Variants in KCNQ1 observed in about 807,000 individuals in gnomAD.
KCNQ1 encodes the protein potassium voltage-gated channel subfamily Q member 1, also known as potassium voltage-gated channel subfamily KQT member 1.
A neutral mutation model predicts 72.4 loss-of-function variants in KCNQ1; 49 were observed. The ratio of observed to expected loss-of-function variants is 0.68; its 90% CI spans 0.54 to 0.86. KCNQ1 has a LOEUF of 0.86. KCNQ1 is among the 40% of genes least tolerant of loss of function. KCNQ1 has a pLI of 0.00. For synonymous variants in KCNQ1, 450 were observed against 412.6 expected, an observed-to-expected ratio of 1.09 and a Z score of -1.10; for missense variants, 790 against 945.1, an observed-to-expected ratio of 0.84 and a Z score of 2.15.
In KCNQ1 at chr11:2,724,199, C is replaced by T. The variant is rs1845720173; in HGVS notation, c.1515-44645C>T. 6.6e-6 allele frequency among the ~76,000 whole-genome samples: 1 copy of T among 152,182 alleles called. No individual in the cohort carries two copies. Among genetic ancestry groups the T allele is most frequent in the African/African-American group, 2.4e-5 (1 of 41,452 alleles). ...GACAGAAAGAAAAACACGCACAGAT[C>T]CAGGCTCAGATGATATACAGTCCTC... On this transcript the variant is annotated intron_variant, in intron 11 of 15. Transcript: ENST00000155840. This position sits in a 1 kb window ranked among gnomAD's most constrained non-coding sequence, Gnocchi z 6.8.
At chr11:2,833,968 G>A (rs1047247541) in intron 15 of KCNQ1, among the ~76,000 whole-genome samples, 7 of 152,240 alleles carry the variant, frequency 4.6e-5, no homozygotes, top group Admixed American at 4.6e-4. Context: ...TTCCCAGGCT[G>A]TCAGCAGGGG....
rs2134097230 is a variant in KCNQ1, at chr11:2,847,883, C to T, written c.1911C>T (p.His637=). Residue 637 remains histidine (H), a synonymous_variant, in exon 16 of 16, where the codon CAC becomes CAT. Coordinates refer to ENST00000155840, the MANE Select transcript of KCNQ1 (RefSeq NM_000218.3). ...GCCCCCCCAGAGAGGGCGGGGCCCA[C>T]ATCACCCAGCCCTGCGGCAGTGGCG... ...SGGPPREGGA[H]ITQPCGSGGS... 2 of 1,582,062 alleles carry T rather than the reference C, an allele frequency of 1.3e-6. No homozygotes were observed. Among genetic ancestry groups the T allele is most frequent in the Non-Finnish European group, 1.7e-6 (2 of 1,164,330 alleles).
intron 11 of KCNQ1, chr11:2,672,833 G>A: frequency 2.5e-6 from 1 of 398,808 alleles, no homozygotes; most frequent in East Asian, 3.6e-5. Context: ...CCAACTCTGG[G>A]TTCTGCCTGG....
In KCNQ1 at chr11:2,809,501, CTGTT is replaced by C. The variant is rs1015124016; in HGVS notation, c.1794+31469_1794+31472del. Among the ~76,000 whole-genome samples the C allele has an allele frequency of 6.6e-6, 1 of 152,310 alleles. No individual in the cohort carries two copies. Among genetic ancestry groups the C allele is most frequent in the Non-Finnish European group, 1.5e-5 (1 of 68,038 alleles). On this transcript the variant is annotated intron_variant, in intron 15 of 15. Coordinates refer to ENST00000155840, the MANE Select transcript of KCNQ1 (RefSeq NM_000218.3). This position sits in a 1 kb window ranked among gnomAD's most constrained non-coding sequence, Gnocchi z 7.1. ...CACAGCTTGGGGGCTCTGCTTCCCT[CTGTT>C]TGTTCGTCTTGGTGCTGTGTATGAA...
chr11:2,632,770 T>G (rs2133818342), intron 10 of KCNQ1: 1 of 398,480 alleles, frequency 2.5e-6, no homozygotes, highest in East Asian at 3.6e-5. Flanking sequence ...TTATTATGAC[T>G]GAATAATATT....
chr11:2,720,615 G>A lies in KCNQ1; in HGVS notation c.1515-48229G>A, dbSNP rs1258280353. ...TCTCTGAGTGTCCTATGTTGGGGGT[G>A]TCAGCCTGGGTGTCAAGGCTGAAGA... On this transcript the variant is annotated intron_variant, in intron 11 of 15. Coordinates refer to ENST00000155840, the MANE Select transcript of KCNQ1 (RefSeq NM_000218.3). This position sits in a 1 kb window ranked among gnomAD's most constrained non-coding sequence, Gnocchi z 5.1. Among the ~76,000 whole-genome samples, 1 of 152,156 alleles carries A rather than the reference G, an allele frequency of 6.6e-6. No individual in the cohort carries two copies. Among genetic ancestry groups the A allele is most frequent in the African/African-American group, 2.4e-5 (1 of 41,428 alleles).
rs1849681657 is a variant in KCNQ1 at position 2,647,316 on chromosome 11, G to T, written c.1394-14645G>T. On this transcript the variant is annotated intron_variant, in intron 10 of 15. Transcript: ENST00000155840. The surrounding 1 kb of genome is among the most constrained non-coding windows in gnomAD (Gnocchi z 4.0). The stretch of plus-strand genomic sequence containing the variant: ...ATGTTGAACCATCCTTGAATCCCTG[G>T]GATAAATCCCACTTGATTATGGTGT... The T allele has an allele frequency of 5.0e-6, 2 of 398,198 alleles. No individual in the cohort carries two copies. The highest frequency in any genetic ancestry group is 1.3e-4 in the South Asian group (1 of 7,826). 24.7% of individuals were successfully genotyped at this position (398,198 alleles called of 1,614,324 possible).
intron 10 of KCNQ1, chr11:2,637,887 T>C (rs1413379570): frequency 6.6e-6 from 1 of 152,212 alleles, no homozygotes; most frequent in Non-Finnish European, 1.5e-5. Context: ...GCATATATAT[T>C]TAAGATAGTT....
At chr11:2,503,744 T>C (rs918758133) in intron 1 of KCNQ1, among the ~76,000 whole-genome samples, 1 of 152,178 alleles carries the variant, frequency 6.6e-6, no homozygotes, top group Non-Finnish European at 1.5e-5. Flanking sequence ...TCAACGTCAC[T>C]GATCATCAGA....
In KCNQ1 at chr11:2,495,948, C is replaced by T. The variant is rs555214537; in HGVS notation, c.387-31980C>T. On this transcript the variant is annotated intron_variant, in intron 1 of 15. Coordinates refer to ENST00000155840, the MANE Select transcript of KCNQ1 (RefSeq NM_000218.3). The surrounding 1 kb of genome is among the most constrained non-coding windows in gnomAD (Gnocchi z 4.6). ...TATTGACAGTGGAGTGTTAAAGTCT[C>T]GCACTGTTATTGAGTAGGAATATAA... Among the ~76,000 whole-genome samples, 43 of 152,270 alleles carry T rather than the reference C, an allele frequency of 2.8e-4. No individual in the cohort carries two copies. Among genetic ancestry groups the T allele is most frequent in the Admixed American group, 1.0e-3 (16 of 15,284 alleles).
chr11:2,608,609 G>A lies in KCNQ1; in HGVS notation c.1393+19755G>A, dbSNP rs951597744. ...TTGCCCCTTAGCCTATGACAGGTGT[G>A]CACCACAACACCAGCTGTTATTCAA... On this transcript the variant is annotated intron_variant, in intron 10 of 15. Transcript: ENST00000155840. The surrounding 1 kb of genome is among the most constrained non-coding windows in gnomAD (Gnocchi z 4.6). 5.0e-6 allele frequency: 2 copies of A among 398,396 alleles called. No individual in the cohort carries two copies. The highest frequency in any genetic ancestry group is 7.1e-5 in the East Asian group (2 of 28,076). The allele number at this position is 398,396 out of a possible 1,614,324, so 24.7% of individuals were successfully genotyped here. A position where few individuals can be genotyped will look rare whatever the true frequency, so the allele number is the denominator to read the frequency against.
intron 1 of KCNQ1, among the ~76,000 whole-genome samples, chr11:2,456,384 A>G (rs892700684): frequency 1.3e-5 from 2 of 152,202 alleles, no homozygotes; most frequent in Non-Finnish European, 2.9e-5. Flanking sequence ...AGTCTTCTCA[A>G]TATTGGCCTT....
chr11:2,683,581 G>T lies in KCNQ1; in HGVS notation c.1514+21500G>T. The T allele has an allele frequency of 2.5e-6, 1 of 398,620 alleles. No homozygotes were observed. The highest frequency in any genetic ancestry group is 4.4e-6 in the Non-Finnish European group (1 of 226,072). The allele number at this position is 398,620 out of a possible 1,614,324, so 24.7% of individuals were successfully genotyped here. A position where few individuals can be genotyped will look rare whatever the true frequency, so the allele number is the denominator to read the frequency against. Reference sequence around the variant, plus strand: ...CCTACTGACTGGCATCACAAACACTGCCCTGAAATGCCAACTCATTTCAAA... The same window carrying T: ...CCTACTGACTGGCATCACAAACACTTCCCTGAAATGCCAACTCATTTCAAA... On this transcript the variant is annotated intron_variant, in intron 11 of 15. Transcript: ENST00000155840. The surrounding 1 kb of genome is among the most constrained non-coding windows in gnomAD (Gnocchi z 4.7).
rs1847655397 is a variant in KCNQ1 at position 2,818,094 on chromosome 11, C to A, written c.1795-29673C>A. Among the ~76,000 whole-genome samples, 1 of 152,198 alleles carries A rather than the reference C, an allele frequency of 6.6e-6. No individual in the cohort carries two copies. The highest frequency in any genetic ancestry group is 1.5e-5 in the Non-Finnish European group (1 of 68,018). ...GATTGTCTGAAAAACACATGGCCAG[C>A]CACCCTGCACCCTGAGTTCCACAAC... On this transcript the variant is annotated intron_variant, in intron 15 of 15. Transcript: ENST00000155840. The surrounding 1 kb of genome is among the most constrained non-coding windows in gnomAD (Gnocchi z 7.2).
rs1305127264 is a variant in KCNQ1 at position 2,665,003 on chromosome 11, G to A, written c.1514+2922G>A. On this transcript the variant is annotated intron_variant, in intron 11 of 15. Coordinates refer to ENST00000155840, the MANE Select transcript of KCNQ1 (RefSeq NM_000218.3). Reference sequence around the variant, plus strand: ...GGCTGGGCGAAGCTCCTCTTTCCGGGGCCTGTTAGCCAGAGGTGGGGTGGG... The same window carrying A: ...GGCTGGGCGAAGCTCCTCTTTCCGGAGCCTGTTAGCCAGAGGTGGGGTGGG... 8 of 398,656 alleles carry A rather than the reference G, an allele frequency of 2.0e-5. No homozygotes were observed. In the East Asian group the frequency reaches 2.5e-4, roughly 12 times the overall value. The allele number at this position is 398,656 out of a possible 1,614,324, so 24.7% of individuals were successfully genotyped here. A position where few individuals can be genotyped will look rare whatever the true frequency, so the allele number is the denominator to read the frequency against.
chr11:2,721,000 C>A lies in KCNQ1; in HGVS notation c.1515-47844C>A, dbSNP rs1029224621. 1.4e-4 allele frequency among the ~76,000 whole-genome samples: 22 copies of A among 152,078 alleles called. No homozygotes were observed. Among genetic ancestry groups the A allele is most frequent in the Admixed American group, 1.2e-3 (18 of 15,280 alleles). On this transcript the variant is annotated intron_variant, in intron 11 of 15. Coordinates refer to ENST00000155840, the MANE Select transcript of KCNQ1 (RefSeq NM_000218.3). The surrounding 1 kb of genome is among the most constrained non-coding windows in gnomAD (Gnocchi z 5.1). ...GCAGGCACAGCTTTCCAGGCCAGAGCCATGGACGGTCCCTGGACACCTGCA... is the reference window on the plus strand; with the variant it reads ...GCAGGCACAGCTTTCCAGGCCAGAGACATGGACGGTCCCTGGACACCTGCA...
chr11:2,843,562 G>C (rs1220932059), intron 15 of KCNQ1, among the ~76,000 whole-genome samples: 2 of 152,252 alleles, frequency 1.3e-5, no homozygotes, highest in Non-Finnish European at 2.9e-5. Flanking sequence ...TGGGAGCAGC[G>C]GGTGTGCCCG....
At chr11:2,763,400 A>C (rs924365480) in intron 11 of KCNQ1, among the ~76,000 whole-genome samples, 2 of 69,626 alleles carry the variant, frequency 2.9e-5, no homozygotes, top group African/African-American at 5.6e-5. Context: ...CCCATCTTAG[A>C]AGAAAAAAAA....
At chr11:2,688,833 T>C (rs1850541224) in intron 11 of KCNQ1, 1 of 398,840 alleles carries the variant, frequency 2.5e-6, no homozygotes, top group Non-Finnish European at 4.4e-6. Context: ...CAAAGAGAGA[T>C]GGCACTCCAG....
Sources: gnomAD v4.1 joint callset for allele counts (sites outside exome capture counted in the v4.1 genomes callset) on GRCh38, gnomAD v4.1.1 for gene constraint, Gnocchi (gnomAD v3.1) non-coding constraint, MANE v1.5 for transcripts, NCBI Gene and HGNC (gene_info 2026-07-23, HGNC 2026-07-21) for gene names.